ANKMY2: variants seen among roughly 807,000 people sequenced by gnomAD.
The protein encoded by ANKMY2 is ankyrin repeat and MYND domain containing 2, also known as ankyrin repeat and MYND domain-containing protein 2.
ANKMY2 carries 36 observed loss-of-function variants against 50.4 expected under a neutral mutation model. That is an observed-to-expected ratio of 0.71 (90% CI 0.55 to 0.94). ANKMY2 has a LOEUF of 0.94. ANKMY2 is among the 40% of genes least tolerant of loss of function. The pLI, the probability that ANKMY2 is intolerant of heterozygous loss-of-function variation, is 0.00. For missense variants in ANKMY2, 565 were observed against 524.0 expected, an observed-to-expected ratio of 1.08 and a Z score of -0.76; for synonymous variants, 187 against 178.8, an observed-to-expected ratio of 1.05 and a Z score of -0.36.
chr7:16,610,032 T>C (rs1005685514), intron 6 of ANKMY2, among the ~76,000 whole-genome samples: 1 of 152,218 alleles, frequency 6.6e-6, no homozygotes, highest in Non-Finnish European at 1.5e-5. Flanking sequence ...TAGTTACTTA[T>C]TACCATGTCA....
At chr7:16,623,462 G>A (rs1417842895) in intron 4 of ANKMY2, among the ~76,000 whole-genome samples, 1 of 152,056 alleles carries the variant, frequency 6.6e-6, no homozygotes, top group Admixed American at 6.5e-5. Flanking sequence ...GTGATCTTGG[G>A]AAATTTTTTT....
chr7:16,604,976 T>A, intron 7 of ANKMY2, 127 bp from the exon 8 acceptor site: 1 of 904,098 alleles, frequency 1.1e-6, no homozygotes, highest in Non-Finnish European at 1.5e-6. Flanking sequence ...ATTAAGGCTA[T>A]AGATTACACA....
At chr7:16,637,911 G>A (rs1781689732) in intron 1 of ANKMY2, among the ~76,000 whole-genome samples, 2 of 152,216 alleles carry the variant, frequency 1.3e-5, no homozygotes, top group African/African-American at 4.8e-5. Flanking sequence ...CATGGGAAGA[G>A]TAGAATGGGG....
intron 4 of ANKMY2, 141 bp downstream of exon 4, chr7:16,624,842 A>G (rs1583678568): frequency 1.5e-6 from 1 of 645,522 alleles, no homozygotes; most frequent in Non-Finnish European, 2.7e-6. Context: ...TAGGTGTTTC[A>G]TTAAGTTACA....
intron 1 of ANKMY2, chr7:16,644,916 C>T: frequency 2.9e-6 from 1 of 348,274 alleles, no homozygotes; most frequent in Non-Finnish European, 5.7e-6. Context: ...ATTTCCTTGT[C>T]TCTCTAGGGT....
At position 16,615,798 on chromosome 7, in the gene ANKMY2, C is replaced by T. The variant is rs143315223; in HGVS notation, c.477G>A (p.Lys159=). The T allele has an allele frequency of 6.3e-4, 1,020 of 1,614,198 alleles. 1 individual carries two copies. Among genetic ancestry groups the T allele is most frequent in the Non-Finnish European group, 8.0e-4 (949 of 1,180,040 alleles). The change falls in exon 5 of 10, where the codon AAG becomes AAA. Residue 159 remains lysine (K), a synonymous_variant. Coordinates refer to ENST00000306999, the MANE Select transcript of ANKMY2 (RefSeq NM_020319.3). ...GLDKEPKLPP[K]LAGPLHKIIT... is the part of the protein sequence containing the mutation. ...TAATTTTGTGCAGCGGGCCTGCCAACTTTGGGGGCAGTTTTGGCTCTTTAT... is the reference window on the plus strand; with the variant it reads ...TAATTTTGTGCAGCGGGCCTGCCAATTTTGGGGGCAGTTTTGGCTCTTTAT...
intron 4 of ANKMY2, among the ~76,000 whole-genome samples, chr7:16,622,997 T>A (rs1781462071): frequency 6.6e-6 from 1 of 152,214 alleles, no homozygotes; most frequent in South Asian, 2.1e-4. Context: ...GGAACATCTA[T>A]ATCATGGAGT....
At chr7:16,624,439 G>A (rs1402585184) in intron 4 of ANKMY2, among the ~76,000 whole-genome samples, 1 of 152,178 alleles carries the variant, frequency 6.6e-6, no homozygotes, top group Non-Finnish European at 1.5e-5. Flanking sequence ...TAACGAAGTA[G>A]TTGTATATTA....
chr7:16,645,435 G>A lies in ANKMY2; in HGVS notation c.67+72C>T, dbSNP rs1256964197. 18 of 1,461,900 alleles carry A rather than the reference G, an allele frequency of 1.2e-5. No individual in the cohort carries two copies. The East Asian group carries it at 3.2e-4, about 26-fold the overall frequency. 90.6% of individuals were successfully genotyped at this position (1,461,900 alleles called of 1,614,324 possible). A position where few individuals can be genotyped will look rare whatever the true frequency, so the allele number is the denominator to read the frequency against. The stretch of plus-strand genomic sequence containing the variant: ...CGCAGCCAAAGGTCACCCAGGCCAG[G>A]AGCGCCCCCCGGGCTCCGCCACGCC... On this transcript the variant is annotated intron_variant, in intron 1 of 9. Coordinates refer to ENST00000306999, the MANE Select transcript of ANKMY2 (RefSeq NM_020319.3).
intron 5 of ANKMY2, among the ~76,000 whole-genome samples, chr7:16,611,250 A>G (rs529437654): frequency 9.8e-5 from 15 of 152,334 alleles, no homozygotes; most frequent in Middle Eastern, 3.4e-3. Context: ...AAGTCTAAAA[A>G]TGAAATATGC....
intron 4 of ANKMY2, among the ~76,000 whole-genome samples, chr7:16,619,946 T>C (rs1478518717): frequency 6.6e-6 from 1 of 152,214 alleles, no homozygotes; most frequent in Non-Finnish European, 1.5e-5. Flanking sequence ...GTAAGTTGAA[T>C]TCTCATTTGC....
At chr7:16,603,744 C>T (rs535167137) in intron 8 of ANKMY2, 1 of 470,006 alleles carries the variant, frequency 2.1e-6, no homozygotes, top group South Asian at 1.5e-5. Flanking sequence ...AATTTCAAGG[C>T]TAGTCCTTGA....
intron 2 of ANKMY2, among the ~76,000 whole-genome samples, chr7:16,629,665 G>T (rs1554262911): frequency 6.6e-6 from 1 of 152,064 alleles, no homozygotes; most frequent in Non-Finnish European, 1.5e-5. Flanking sequence ...GTGGTAGATG[G>T]TCCTGGGTAT....
At chr7:16,629,253 C>T (rs1004166941) in intron 2 of ANKMY2, among the ~76,000 whole-genome samples, 3 of 152,062 alleles carry the variant, frequency 2.0e-5, no homozygotes, top group African/African-American at 7.2e-5. Flanking sequence ...AGGTAAGTAT[C>T]GGCCAGGCAC....
rs78688429 is a variant in ANKMY2 at position 16,630,698 on chromosome 7, C to T, written c.133-3520G>A. ...TCCCTGGGACTTACAGTACAGGTGACTAGATGGATGGTGATACAAGTGCTG... is the reference window on the plus strand; with the variant it reads ...TCCCTGGGACTTACAGTACAGGTGATTAGATGGATGGTGATACAAGTGCTG... On this transcript the variant is annotated intron_variant, in intron 2 of 9. Transcript: ENST00000306999. 3.7e-3 allele frequency among the ~76,000 whole-genome samples: 560 copies of T among 152,220 alleles called. 7 individuals carry two copies. Among genetic ancestry groups the T allele is most frequent in the African/African-American group, 0.013 (535 of 41,534 alleles).
intron 5 of ANKMY2, among the ~76,000 whole-genome samples, chr7:16,611,001 A>T (rs575165088): frequency 5.2e-4 from 79 of 152,388 alleles, no homozygotes; most frequent in African/African-American, 1.9e-3. Flanking sequence ...GTGATCTTCC[A>T]TCTACCTACA....
At chr7:16,609,987 C>T (rs996322899) in intron 6 of ANKMY2, among the ~76,000 whole-genome samples, 10 of 152,192 alleles carry the variant, frequency 6.6e-5, no homozygotes, top group Non-Finnish European at 1.2e-4. Context: ...GTGACTACCA[C>T]CATAAAACAC....
At chr7:16,636,632 GTAGAA>G (rs1006510110) in intron 1 of ANKMY2, among the ~76,000 whole-genome samples, 177 bp from the exon 2 acceptor site, 1 of 152,070 alleles carries the variant, frequency 6.6e-6, no homozygotes, top group African/African-American at 2.4e-5. Flanking sequence ...TAATTGTCCA[GTAGAA>G]TAGATTTACA....
chr7:16,617,979 G>A (rs1415693796), intron 4 of ANKMY2, among the ~76,000 whole-genome samples: 4 of 141,094 alleles, frequency 2.8e-5, no homozygotes, highest in Non-Finnish European at 4.5e-5. Context: ...CCAGGCTGTA[G>A]TGCAGTCACG....
Sources: allele counts gnomAD v4.1 joint callset (sites outside exome capture counted in the v4.1 genomes callset), GRCh38; gene constraint gnomAD v4.1.1; transcripts MANE v1.5; gene names NCBI Gene and HGNC (gene_info 2026-07-23, HGNC 2026-07-21).